SPOCK1: variants seen among roughly 807,000 people sequenced by gnomAD.
SPOCK1 encodes the protein testican-1.
In SPOCK1, 23 loss-of-function variants were observed where a neutral mutation model predicts 55.3. That is an observed-to-expected ratio of 0.42 (90% confidence interval 0.30 to 0.59). The LOEUF is 0.59. SPOCK1 is among the 20% of genes least tolerant of loss of function. SPOCK1 has a pLI of 0.22. For missense variants in SPOCK1, 499 were observed against 552.5 expected (o/e 0.90, Z 0.97); for synonymous variants, 226 against 221.0 (o/e 1.02, Z -0.20).
chr5:137,301,557 T>A (rs530142903), intron 2 of SPOCK1, among the ~76,000 whole-genome samples: 1 of 151,402 alleles, frequency 6.6e-6, no homozygotes, highest in African/African-American at 2.4e-5. Context: ...TATCTTTGCA[T>A]CTCCTGTTTC....
In SPOCK1 at chr5:137,066,698, A is replaced by G. The variant is rs199962214; in HGVS notation, c.589+1017T>C. 1.2e-4 allele frequency among the ~76,000 whole-genome samples: 19 copies of G among 152,326 alleles called. 1 individual carries two copies. In the East Asian group the frequency reaches 2.9e-3, roughly 23 times the overall value. On this transcript the variant is annotated intron_variant, in intron 6 of 10. Coordinates refer to ENST00000394945, the MANE Select transcript of SPOCK1 (RefSeq NM_004598.4). ...AACTGCAATGAGATTAGCTTTTTAG[A>G]AATCAAGAATAATAACTGGAGATTA...
intron 3 of SPOCK1, among the ~76,000 whole-genome samples, chr5:137,185,028 G>T (rs970590511): frequency 1.3e-5 from 2 of 152,168 alleles, no homozygotes; most frequent in South Asian, 2.1e-4. Flanking sequence ...TGTCTGTCTT[G>T]TTGACCACTG....
intron 4 of SPOCK1, among the ~76,000 whole-genome samples, chr5:137,129,229 C>T (rs1307168080): frequency 1.3e-5 from 2 of 152,106 alleles, no homozygotes; most frequent in East Asian, 3.9e-4. Context: ...TTTTGGACAC[C>T]GAGCTCCTTC....
chr5:137,094,843 C>T (rs1753112701), intron 5 of SPOCK1, among the ~76,000 whole-genome samples: 1 of 152,226 alleles, frequency 6.6e-6, no homozygotes, highest in African/African-American at 2.4e-5. Flanking sequence ...TACAACTTGG[C>T]TTGGCACAAG....
chr5:137,273,094 C>T (rs1757001485), intron 2 of SPOCK1, among the ~76,000 whole-genome samples: 1 of 152,188 alleles, frequency 6.6e-6, no homozygotes. Flanking sequence ...TTGCTCTGCT[C>T]TTTCAATAAA....
intron 6 of SPOCK1, among the ~76,000 whole-genome samples, chr5:137,037,603 A>G (rs1268008673): frequency 6.6e-6 from 1 of 152,208 alleles, no homozygotes; most frequent in Non-Finnish European, 1.5e-5. Context: ...GTCCTCTCCA[A>G]CTAAGATCAG....
At chr5:136,996,621 T>G (rs913514773) in intron 6 of SPOCK1, among the ~76,000 whole-genome samples, 1 of 152,104 alleles carries the variant, frequency 6.6e-6, no homozygotes, top group Admixed American at 6.6e-5. Flanking sequence ...ACTTCCTGGG[T>G]CGAGTGGGGA....
chr5:136,995,135 T>C (rs1751017815), intron 6 of SPOCK1, among the ~76,000 whole-genome samples: 1 of 152,174 alleles, frequency 6.6e-6, no homozygotes, highest in Non-Finnish European at 1.5e-5. Context: ...CAGCAGGGTG[T>C]CGTGCTGGGC....
chr5:137,215,697 G>A (rs376345070), intron 3 of SPOCK1, among the ~76,000 whole-genome samples: 22 of 152,202 alleles, frequency 1.4e-4, no homozygotes, highest in African/African-American at 5.1e-4. Flanking sequence ...TAGGGTTCAT[G>A]TTCCCCTACC....
At chr5:137,144,596 T>C (rs1754159073) in intron 3 of SPOCK1, among the ~76,000 whole-genome samples, 1 of 152,174 alleles carries the variant, frequency 6.6e-6, no homozygotes, top group Non-Finnish European at 1.5e-5. Context: ...TGAAAGGGGA[T>C]GAGGAGTGTG....
intron 2 of SPOCK1, among the ~76,000 whole-genome samples, chr5:137,333,202 G>A (rs1022565139): frequency 5.3e-5 from 8 of 152,192 alleles, no homozygotes; most frequent in African/African-American, 1.4e-4. Context: ...AGCTGTGTAG[G>A]ACAATAATTT....
intron 6 of SPOCK1, among the ~76,000 whole-genome samples, chr5:137,047,002 G>C (rs1198464853): frequency 5.3e-5 from 1 of 18,710 alleles, no homozygotes; most frequent in Non-Finnish European, 1.4e-4. Flanking sequence ...CTTGATCATG[G>C]TGGATAAGCT....
At chr5:137,085,923 G>A (rs1752954499) in intron 5 of SPOCK1, among the ~76,000 whole-genome samples, 1 of 152,204 alleles carries the variant, frequency 6.6e-6, no homozygotes, top group African/African-American at 2.4e-5. Flanking sequence ...GGGCTCTGCA[G>A]TGACAGAGTG....
chr5:137,076,037 G>C (rs1752752339), intron 5 of SPOCK1, among the ~76,000 whole-genome samples: 1 of 152,228 alleles, frequency 6.6e-6, no homozygotes, highest in Non-Finnish European at 1.5e-5. Flanking sequence ...CTAGGAGATG[G>C]CTGGCCCCAT....
At chr5:137,376,099 C>T (rs1322199073) in intron 2 of SPOCK1, among the ~76,000 whole-genome samples, 1 of 152,188 alleles carries the variant, frequency 6.6e-6, no homozygotes, top group African/African-American at 2.4e-5. Flanking sequence ...AGCCAACAGC[C>T]CACCAGGCTT....
intron 2 of SPOCK1, among the ~76,000 whole-genome samples, chr5:137,398,596 G>A (rs17522663): frequency 0.046 from 6,940 of 152,154 alleles, 224 homozygotes; most frequent in South Asian, 0.081. Context: ...ATCTTTGGGG[G>A]AATTATGAGA....
At chr5:137,478,810 C>G (rs575355424) in intron 2 of SPOCK1, among the ~76,000 whole-genome samples, 2 of 152,146 alleles carry the variant, frequency 1.3e-5, no homozygotes, top group Admixed American at 6.5e-5. Context: ...CAAAGTTCAA[C>G]ACCAAATTCC....
chr5:137,405,942 G>A (rs776631643), intron 2 of SPOCK1, among the ~76,000 whole-genome samples: 11 of 152,144 alleles, frequency 7.2e-5, no homozygotes, highest in Non-Finnish European at 1.2e-4. Flanking sequence ...TTTGGCCCAC[G>A]AACTGAGGGG....
intron 3 of SPOCK1, among the ~76,000 whole-genome samples, chr5:137,250,216 T>C (rs1211627646): frequency 6.6e-6 from 1 of 152,206 alleles, no homozygotes; most frequent in Non-Finnish European, 1.5e-5. Flanking sequence ...AGCTTCCCTC[T>C]ACAAGGCCAA....
Sources: gnomAD v4.1 joint callset for allele counts (sites outside exome capture counted in the v4.1 genomes callset) on GRCh38, gnomAD v4.1.1 for gene constraint, MANE v1.5 for transcripts, NCBI Gene and HGNC (gene_info 2026-07-23, HGNC 2026-07-21) for gene names.